The following CA8 variants were observed in gnomAD, a reference collection of about 807,000 sequenced individuals.
CA8 encodes the protein carbonic anhydrase-related protein.
In CA8, 22 loss-of-function variants were observed where a neutral mutation model predicts 41.4. The ratio of observed to expected loss-of-function variants is 0.53; its 90% confidence interval spans 0.38 to 0.76. The LOEUF is 0.76. CA8 is among the 30% of genes least tolerant of loss of function. The probability of loss-of-function intolerance (pLI) is 0.00; values close to 1 mark genes in which losing one functional copy is unlikely to be tolerated. For synonymous variants in CA8, 121 were observed against 130.6 expected (o/e 0.93, Z 0.50); for missense variants, 270 against 352.8 (o/e 0.77, Z 1.88).
chr8:60,241,578 A>G (rs1808029389), intron 3 of CA8, among the ~76,000 whole-genome samples: 1 of 152,232 alleles, frequency 6.6e-6, no homozygotes, highest in Non-Finnish European at 1.5e-5. Flanking sequence ...AGCTTCCTTT[A>G]TGAAATTCAC....
chr8:60,190,269 A>T (rs549394674), intron 8 of CA8, among the ~76,000 whole-genome samples: 30 of 151,608 alleles, frequency 2.0e-4, no homozygotes, highest in Admixed American at 1.8e-3. Context: ...TTACAAACAA[A>T]AAATATGTAT....
intron 3 of CA8, among the ~76,000 whole-genome samples, chr8:60,250,455 G>A (rs1333232555): frequency 6.6e-6 from 1 of 152,082 alleles, no homozygotes; most frequent in Non-Finnish European, 1.5e-5. Context: ...TCTTTTCCCT[G>A]ATCTCCAAAC....
chr8:60,221,591 CTCTTA>C (rs1278407404), intron 7 of CA8, among the ~76,000 whole-genome samples: 2 of 152,042 alleles, frequency 1.3e-5, no homozygotes, highest in African/African-American at 4.8e-5. Context: ...GGAGAACAGT[CTCTTA>C]TAAGAACAAA....
intron 1 of CA8, among the ~76,000 whole-genome samples, chr8:60,280,646 C>T (rs1804383065): frequency 6.6e-6 from 1 of 152,258 alleles, no homozygotes. Flanking sequence ...TCCCCAAAGT[C>T]TCCAAGCCAA....
chr8:60,281,261 G>T lies in CA8; in HGVS notation c.-114C>A, dbSNP rs1157101065. 16 of 731,020 alleles carry T rather than the reference G, an allele frequency of 2.2e-5. No individual in the cohort carries two copies. The highest frequency in any genetic ancestry group is 3.5e-5 in the African/African-American group (2 of 56,554). 45.3% of individuals were successfully genotyped at this position (731,020 alleles called of 1,614,324 possible). A position where few individuals can be genotyped will look rare whatever the true frequency, so the allele number is the denominator to read the frequency against. On this transcript the variant is annotated 5_prime_UTR_variant, in exon 1 of 9. Coordinates refer to ENST00000317995, the MANE Select transcript of CA8 (RefSeq NM_004056.6). Reference sequence around the variant, plus strand: ...GGGGGAGTGTGAGCACGCGTGAGCGGCAGTGTGAGTGCGAGAGCGCCTCCG... The same window carrying T: ...GGGGGAGTGTGAGCACGCGTGAGCGTCAGTGTGAGTGCGAGAGCGCCTCCG...
chr8:60,218,433 G>A (rs1807104989), intron 7 of CA8, among the ~76,000 whole-genome samples: 1 of 151,698 alleles, frequency 6.6e-6, no homozygotes, highest in African/African-American at 2.4e-5. Flanking sequence ...AGCAAATGTC[G>A]AATAATTGCC....
chr8:60,230,288 T>C (rs1807596975), intron 4 of CA8, among the ~76,000 whole-genome samples: 1 of 152,190 alleles, frequency 6.6e-6, no homozygotes, highest in Non-Finnish European at 1.5e-5. Context: ...CCATGCCCTC[T>C]TGCCTCCTCC....
chr8:60,217,092 C>T (rs913680964), intron 7 of CA8, among the ~76,000 whole-genome samples: 3 of 152,072 alleles, frequency 2.0e-5, no homozygotes, highest in Admixed American at 2.0e-4. Context: ...CCGTGTTGGC[C>T]AGGCAGGTCT....
At chr8:60,198,779 T>A (rs28689904) in intron 8 of CA8, among the ~76,000 whole-genome samples, 42,147 of 152,034 alleles carry the variant, frequency 0.28, 6,080 homozygotes, top group Middle Eastern at 0.42. Context: ...AGTAAATGTG[T>A]ATTTTAGCCT....
At chr8:60,276,338 G>A (rs1804235204) in intron 2 of CA8, among the ~76,000 whole-genome samples, 1 of 152,178 alleles carries the variant, frequency 6.6e-6, no homozygotes, top group Non-Finnish European at 1.5e-5. Flanking sequence ...AAGAAAAGCA[G>A]CCTCCACAGG....
At chr8:60,194,750 T>C (rs894172466) in intron 8 of CA8, among the ~76,000 whole-genome samples, 20 of 152,184 alleles carry the variant, frequency 1.3e-4, no homozygotes, top group African/African-American at 4.8e-4. Context: ...GGTTTGTTCC[T>C]CACATCTGCT....
intron 3 of CA8, among the ~76,000 whole-genome samples, chr8:60,256,309 G>C (rs968642109): frequency 7.9e-5 from 12 of 152,158 alleles, no homozygotes; most frequent in African/African-American, 2.9e-4. Context: ...TAAACAGTCA[G>C]AAAACAAATG....
At chr8:60,257,317 A>G (rs1232795642) in intron 3 of CA8, among the ~76,000 whole-genome samples, 1 of 152,122 alleles carries the variant, frequency 6.6e-6, no homozygotes, top group East Asian at 1.9e-4. Flanking sequence ...TGTTTTGACA[A>G]GATTTTTATC....
chr8:60,202,275 T>C (rs190103559), intron 8 of CA8, among the ~76,000 whole-genome samples: 3 of 151,592 alleles, frequency 2.0e-5, no homozygotes. Flanking sequence ...GATGCTCTTA[T>C]CTCCTGACCT....
chr8:60,224,565 AGGTATT>A lies in CA8; in HGVS notation c.591_596del (p.Ile198_Pro199del). On this transcript the variant is annotated inframe_deletion, in exon 6 of 9. Coordinates refer to ENST00000317995, the MANE Select transcript of CA8 (RefSeq NM_004056.6). ...GTAATAAAGTGTTAGGATTAAAGCA[AGGTATT>A]GTTTTGGACTTCCCCTGAAAAAGAA... 6.3e-7 allele frequency: 1 copy of A among 1,579,806 alleles called. No homozygotes were observed. Among genetic ancestry groups the A allele is most frequent in the East Asian group, 2.2e-5 (1 of 44,612 alleles).
chr8:60,206,298 G>T (rs1018440047), intron 8 of CA8, among the ~76,000 whole-genome samples: 5 of 152,108 alleles, frequency 3.3e-5, no homozygotes, highest in African/African-American at 7.2e-5. Flanking sequence ...TAAAGAATAT[G>T]AAGTATGTGA....
intron 3 of CA8, among the ~76,000 whole-genome samples, chr8:60,259,915 A>G (rs542634000): frequency 6.6e-6 from 1 of 152,276 alleles, no homozygotes; most frequent in East Asian, 1.9e-4. Flanking sequence ...TTACATTTAG[A>G]GACAAGTTGT....
intron 8 of CA8, among the ~76,000 whole-genome samples, chr8:60,201,882 T>C (rs868679044): frequency 6.6e-6 from 1 of 152,310 alleles, no homozygotes; most frequent in Middle Eastern, 3.4e-3. Context: ...ATCATCTCCT[T>C]GAAAGCTGAA....
intron 2 of CA8, among the ~76,000 whole-genome samples, chr8:60,277,940 T>C (rs911861131): frequency 1.3e-5 from 2 of 152,140 alleles, no homozygotes; most frequent in Non-Finnish European, 2.9e-5. Flanking sequence ...GGGTTCTGGA[T>C]CATGAGTATC....
Sources: allele counts gnomAD v4.1 joint callset (sites outside exome capture counted in the v4.1 genomes callset), GRCh38; gene constraint gnomAD v4.1.1; transcripts MANE v1.5; gene names NCBI Gene and HGNC (gene_info 2026-07-23, HGNC 2026-07-21).